IMMP2L: variants seen among roughly 807,000 people sequenced by gnomAD.
IMMP2L encodes mitochondrial inner membrane protease subunit 2.
Under a neutral mutation model 19.3 loss-of-function variants are expected in IMMP2L, and 18 were observed. The observed-to-expected ratio is 0.93, with a 90% confidence interval of 0.64 to 1.38. The LOEUF (loss-of-function observed/expected upper bound fraction) is 1.38, where lower values mean the gene tolerates loss of function less well. IMMP2L is among the 40% of genes most tolerant of loss of function. The pLI is 0.00. For missense variants in IMMP2L, 233 were observed against 218.2 expected, an observed-to-expected ratio of 1.07 and a Z score of -0.43; for synonymous variants, 76 against 73.0, an observed-to-expected ratio of 1.04 and a Z score of -0.21.
At chr7:111,274,737 G>GT (rs1002142560) in intron 3 of IMMP2L, among the ~76,000 whole-genome samples, 2 of 152,200 alleles carry the variant, frequency 1.3e-5, no homozygotes, top group African/African-American at 4.8e-5. Context: ...CTGAACAACT[G>GT]TTTTGTAATC....
intron 5 of IMMP2L, among the ~76,000 whole-genome samples, chr7:110,868,289 A>T (rs1465335005): frequency 6.6e-6 from 1 of 151,888 alleles, no homozygotes; most frequent in Non-Finnish European, 1.5e-5. Flanking sequence ...TCCCAAGCCC[A>T]TTTTTCTGTT....
intron 5 of IMMP2L, among the ~76,000 whole-genome samples, chr7:110,809,742 C>A (rs1801895822): frequency 6.6e-6 from 1 of 152,016 alleles, no homozygotes; most frequent in African/African-American, 2.4e-5. Flanking sequence ...TCTAACAGGG[C>A]AACTATCTGT....
chr7:111,225,691 C>A (rs1457902008), intron 3 of IMMP2L, among the ~76,000 whole-genome samples: 1,036 of 112,060 alleles, frequency 9.2e-3, no homozygotes, highest in Middle Eastern at 0.017. Context: ...GAGATAGAGC[C>A]AAAAAAAAAA....
chr7:111,480,777 A>AT (rs1189847125), intron 3 of IMMP2L, among the ~76,000 whole-genome samples: 1 of 152,146 alleles, frequency 6.6e-6, no homozygotes, highest in Non-Finnish European at 1.5e-5. Flanking sequence ...GATAGAACAG[A>AT]TAAGTATACA....
rs571561915 is a variant in IMMP2L at position 111,494,659 on chromosome 7, A to T, written c.136-7318T>A. The stretch of plus-strand genomic sequence containing the variant: ...ACCTGTCTCATTTCCTCATCTATAA[A>T]ATGGGGACTGACTGCAGGAACACTG... On this transcript the variant is annotated intron_variant, in intron 2 of 5. Coordinates refer to ENST00000405709, the MANE Select transcript of IMMP2L (RefSeq NM_032549.4). 9.2e-5 allele frequency among the ~76,000 whole-genome samples: 14 copies of T among 152,262 alleles called. No homozygotes were observed. In the South Asian group the frequency reaches 2.9e-3, roughly 32 times the overall value.
intron 3 of IMMP2L, among the ~76,000 whole-genome samples, chr7:111,079,396 C>T (rs995543880): frequency 2.6e-5 from 4 of 152,042 alleles, no homozygotes; most frequent in African/African-American, 9.7e-5. Flanking sequence ...GGATTACAGG[C>T]GTGAGCCACC....
At chr7:111,051,974 T>C (rs1029968218) in intron 3 of IMMP2L, among the ~76,000 whole-genome samples, 2 of 152,214 alleles carry the variant, frequency 1.3e-5, no homozygotes, top group Non-Finnish European at 2.9e-5. Context: ...TATGCTTAGT[T>C]ATCCATGCTC....
intron 3 of IMMP2L, among the ~76,000 whole-genome samples, chr7:111,485,368 G>A (rs1842542574): frequency 6.6e-6 from 1 of 151,976 alleles, no homozygotes; most frequent in African/African-American, 2.4e-5. Flanking sequence ...GGGAGGCCGA[G>A]GTGGATAGAT....
At chr7:111,108,933 G>C (rs1798861344) in intron 3 of IMMP2L, among the ~76,000 whole-genome samples, 1 of 152,120 alleles carries the variant, frequency 6.6e-6, no homozygotes, top group African/African-American at 2.4e-5. Flanking sequence ...ATTCTAGCTA[G>C]GCATTGGAGA....
At chr7:111,161,381 T>C (rs1428580410) in intron 3 of IMMP2L, among the ~76,000 whole-genome samples, 1 of 151,952 alleles carries the variant, frequency 6.6e-6, no homozygotes, top group Non-Finnish European at 1.5e-5. Context: ...TAAAAACATT[T>C]CTACTGTTTG....
At chr7:110,777,092 G>C (rs1799439390) in intron 5 of IMMP2L, among the ~76,000 whole-genome samples, 1 of 151,958 alleles carries the variant, frequency 6.6e-6, no homozygotes, top group Admixed American at 6.6e-5. Context: ...AAAGTAGTAA[G>C]AAATTAGTAT....
intron 2 of IMMP2L, among the ~76,000 whole-genome samples, chr7:111,502,853 C>A (rs1274317778): frequency 6.6e-5 from 10 of 150,378 alleles, no homozygotes; most frequent in African/African-American, 2.5e-5. Context: ...CACTAAATGC[C>A]CACAAGAGAA....
intron 5 of IMMP2L, among the ~76,000 whole-genome samples, chr7:110,726,660 TG>T (rs1240854368): frequency 6.6e-6 from 1 of 152,170 alleles, no homozygotes; most frequent in African/African-American, 2.4e-5. Context: ...CACCTCAGCG[TG>T]GGGAAAGAAA....
At chr7:111,138,038 C>A (rs1329509575) in intron 3 of IMMP2L, among the ~76,000 whole-genome samples, 1 of 152,110 alleles carries the variant, frequency 6.6e-6, no homozygotes, top group East Asian at 1.9e-4. Flanking sequence ...CCATGTTGCG[C>A]AGGCTGGTCT....
intron 5 of IMMP2L, among the ~76,000 whole-genome samples, chr7:110,781,783 AG>A (rs1254438647): frequency 6.6e-6 from 1 of 151,910 alleles, no homozygotes; most frequent in African/African-American, 2.4e-5. Context: ...GATAATTATA[AG>A]GGAAGTCAGC....
At chr7:110,891,513 A>C (rs1225705574) in intron 4 of IMMP2L, among the ~76,000 whole-genome samples, 5 of 152,170 alleles carry the variant, frequency 3.3e-5, no homozygotes, top group Admixed American at 3.3e-4. Context: ...CACAATCCAA[A>C]ATTACAAATC....
rs559541451 is a variant in IMMP2L at position 111,267,613 on chromosome 7, T to A, written c.239+219625A>T. On this transcript the variant is annotated intron_variant, in intron 3 of 5. Coordinates refer to ENST00000405709, the MANE Select transcript of IMMP2L (RefSeq NM_032549.4). ...TTCTCTCACCGATTTACTGGGCAAC[T>A]TCTAAGGAGGACATTCTTAACCTTG... 9.2e-5 allele frequency among the ~76,000 whole-genome samples: 14 copies of A among 152,334 alleles called. No individual in the cohort carries two copies. The South Asian group carries it at 2.7e-3, about 29-fold the overall frequency.
At chr7:110,672,837 C>T (rs763132141) in intron 5 of IMMP2L, among the ~76,000 whole-genome samples, 10 of 152,212 alleles carry the variant, frequency 6.6e-5, no homozygotes, top group African/African-American at 9.6e-5. Flanking sequence ...GTCCCTGTGG[C>T]TTTGCAGGGA....
chr7:111,064,115 C>T (rs1244689710), intron 3 of IMMP2L, among the ~76,000 whole-genome samples: 3 of 152,148 alleles, frequency 2.0e-5, no homozygotes, highest in African/African-American at 7.2e-5. Context: ...TTATTGGACT[C>T]ACAGCTCCAC....
Sources: gnomAD v4.1 joint callset for allele counts (sites outside exome capture counted in the v4.1 genomes callset) on GRCh38, gnomAD v4.1.1 for gene constraint, MANE v1.5 for transcripts, NCBI Gene and HGNC (gene_info 2026-07-23, HGNC 2026-07-21) for gene names.